TRPM3: variants seen among roughly 807,000 people sequenced by gnomAD.
TRPM3 encodes the protein transient receptor potential cation channel subfamily M member 3, also known as long transient receptor potential channel 3.
TRPM3 carries 77 observed loss-of-function variants against 181.2 expected under a neutral mutation model. That is an observed-to-expected ratio of 0.42 (90% CI 0.35 to 0.51). TRPM3 has a LOEUF of 0.51. TRPM3 is among the 20% of genes least tolerant of loss of function. TRPM3 has a pLI of 0.01. For missense variants in TRPM3, 1,759 were observed against 2,196.7 expected, an observed-to-expected ratio of 0.80 and a Z score of 3.98; for synonymous variants, 745 against 796.4, an observed-to-expected ratio of 0.94 and a Z score of 1.09.
intron 1 of TRPM3, among the ~76,000 whole-genome samples, chr9:70,873,706 T>C (rs2132597616): frequency 6.6e-6 from 1 of 152,110 alleles, no homozygotes; most frequent in Non-Finnish European, 1.5e-5. Context: ...TGACCATTGT[T>C]CCTCTTCCCT....
intron 1 of TRPM3, among the ~76,000 whole-genome samples, chr9:71,205,207 TAAAAA>T (rs1174739234): frequency 6.7e-6 from 1 of 149,796 alleles, no homozygotes; most frequent in African/African-American, 2.5e-5. Flanking sequence ...AAAACTTAAA[TAAAAA>T]AAAGTAATGC....
rs570122196 is a variant in TRPM3, at chr9:70,533,751, T to G, written c.*2202A>C. On this transcript the variant is annotated 3_prime_UTR_variant, in exon 26 of 26. Transcript: ENST00000677713. ...TGGGGCCCAATAAAATGTTAAGTGTTTCTAGAACAGCTGTAAATAAGGGAG... is the reference window on the plus strand; with the variant it reads ...TGGGGCCCAATAAAATGTTAAGTGTGTCTAGAACAGCTGTAAATAAGGGAG... 9 of 152,292 alleles carry G rather than the reference T, an allele frequency of 5.9e-5. No homozygotes were observed. The East Asian group carries it at 1.7e-3, about 29-fold the overall frequency. The allele number at this position is 152,292 out of a possible 1,614,324, so 9.4% of individuals were successfully genotyped here.
chr9:71,399,845 G>A (rs558683586), intron 1 of TRPM3, among the ~76,000 whole-genome samples: 30 of 151,858 alleles, frequency 2.0e-4, no homozygotes, highest in Admixed American at 9.2e-4. Context: ...TTTTCTTTTC[G>A]TTTCCAGAAG....
intron 9 of TRPM3, among the ~76,000 whole-genome samples, chr9:70,646,315 A>G (rs566747581): frequency 1.8e-4 from 28 of 152,370 alleles, no homozygotes; most frequent in Non-Finnish European, 4.0e-4. Context: ...ACTTGGAACC[A>G]ACCCCAGTGC....
intron 3 of TRPM3, among the ~76,000 whole-genome samples, chr9:70,853,977 C>T (rs1022696469): frequency 1.7e-4 from 26 of 152,164 alleles, no homozygotes; most frequent in Admixed American, 1.6e-3. Flanking sequence ...TTCCTATGCT[C>T]ATAAAGATCA....
intron 1 of TRPM3, among the ~76,000 whole-genome samples, chr9:71,411,590 C>T (rs1046346832): frequency 1.3e-5 from 2 of 152,038 alleles, no homozygotes; most frequent in Non-Finnish European, 2.9e-5. Context: ...CACTGCTCAA[C>T]AAAATAAAAG....
chr9:70,930,364 C>T (rs2096763779), intron 1 of TRPM3, among the ~76,000 whole-genome samples: 1 of 152,116 alleles, frequency 6.6e-6, no homozygotes. Context: ...GTGTTGGCAA[C>T]TGTTAGTAGG....
At chr9:71,264,788 T>C (rs1181316802) in intron 1 of TRPM3, among the ~76,000 whole-genome samples, 1 of 152,160 alleles carries the variant, frequency 6.6e-6, no homozygotes, top group Non-Finnish European at 1.5e-5. Context: ...CCACCCTCCC[T>C]CACCTTAAGC....
Position 70,754,504 on chromosome 9 carries a change from A to T in TRPM3, c.1272+7097T>A, listed in dbSNP as rs537882889. Among the ~76,000 whole-genome samples the T allele has an allele frequency of 2.6e-5, 4 of 152,296 alleles. 1 individual carries two copies. The East Asian group carries it at 7.7e-4, about 29-fold the overall frequency. ...TTCAAGATCTATATGAAATGAGCAGAAAGTACAGCAGTATCTGTGTGAAGA... is the reference window on the plus strand; with the variant it reads ...TTCAAGATCTATATGAAATGAGCAGTAAGTACAGCAGTATCTGTGTGAAGA... On this transcript the variant is annotated intron_variant, in intron 8 of 25. Coordinates refer to ENST00000677713, the MANE Select transcript of TRPM3 (RefSeq NM_001366145.2).
In TRPM3 at chr9:70,621,188, T is replaced by TAA; in HGVS notation, c.1839+54_1839+55dup. On this transcript the variant is annotated intron_variant, in intron 15 of 25. Transcript: ENST00000677713. The stretch of plus-strand genomic sequence containing the variant: ...ATATACTATATATGTAGCATATATA[T>TAA]AATGGGTAATAAAGAGAATAAATCA... The TAA allele has an allele frequency of 3.3e-6, 4 of 1,222,692 alleles. No individual in the cohort carries two copies. In the South Asian group the frequency reaches 4.5e-5, roughly 14 times the overall value. The allele number at this position is 1,222,692 out of a possible 1,614,324, so 75.7% of individuals were successfully genotyped here.
intron 1 of TRPM3, among the ~76,000 whole-genome samples, chr9:70,941,448 T>C (rs963031112): frequency 1.3e-5 from 2 of 152,202 alleles, no homozygotes; most frequent in Admixed American, 1.3e-4. Context: ...CTTTTGAGGT[T>C]TGGGGACTCA....
chr9:70,862,507 T>A (rs1468569445), intron 3 of TRPM3, among the ~76,000 whole-genome samples: 1 of 151,984 alleles, frequency 6.6e-6, no homozygotes. Context: ...ACCAACAGAA[T>A]AAAACAGAAG....
chr9:71,185,860 G>A (rs941462231), intron 1 of TRPM3, among the ~76,000 whole-genome samples: 15 of 152,050 alleles, frequency 9.9e-5, no homozygotes, highest in African/African-American at 3.4e-4. Context: ...TATTCATGGG[G>A]TATTCATCTC....
At chr9:70,997,740 A>G (rs569733913) in intron 1 of TRPM3, among the ~76,000 whole-genome samples, 2 of 152,262 alleles carry the variant, frequency 1.3e-5, no homozygotes, top group East Asian at 3.9e-4. Flanking sequence ...CTCAGCGTAC[A>G]AGGTTCCTGG....
chr9:71,059,272 TAGG>T (rs2061033006), intron 1 of TRPM3, among the ~76,000 whole-genome samples: 1 of 151,976 alleles, frequency 6.6e-6, no homozygotes, highest in African/African-American at 2.4e-5. Context: ...TGAACTTCTC[TAGG>T]AGATTTCAGG....
At chr9:71,406,779 A>C (rs2093443366) in intron 1 of TRPM3, among the ~76,000 whole-genome samples, 1 of 152,154 alleles carries the variant, frequency 6.6e-6, no homozygotes, top group African/African-American at 2.4e-5. Flanking sequence ...TCCTCTTAGA[A>C]AGTGGAAGTG....
intron 1 of TRPM3, among the ~76,000 whole-genome samples, chr9:71,161,729 A>T (rs952984950): frequency 6.6e-6 from 1 of 152,178 alleles, no homozygotes; most frequent in Non-Finnish European, 1.5e-5. Flanking sequence ...GATTATTTTT[A>T]AAAAGAGGTT....
chr9:71,046,992 C>G (rs968079869), intron 1 of TRPM3, among the ~76,000 whole-genome samples: 1 of 152,148 alleles, frequency 6.6e-6, no homozygotes, highest in Non-Finnish European at 1.5e-5. Context: ...ATAGTCTTAC[C>G]TTTGTAATCC....
intron 9 of TRPM3, among the ~76,000 whole-genome samples, chr9:70,650,806 T>C (rs1026615815): frequency 2.0e-5 from 3 of 152,212 alleles, no homozygotes; most frequent in African/African-American, 4.8e-5. Flanking sequence ...TCTGTGATGA[T>C]TCCCCCGCTT....
Sources: gnomAD v4.1 joint callset for allele counts (sites outside exome capture counted in the v4.1 genomes callset) on GRCh38, gnomAD v4.1.1 for gene constraint, MANE v1.5 for transcripts, NCBI Gene and HGNC (gene_info 2026-07-23, HGNC 2026-07-21) for gene names.